JMJD1C: variants seen among roughly 807,000 people sequenced by gnomAD.
JMJD1C encodes jumonji domain containing 1C.
JMJD1C carries 31 observed loss-of-function variants against 245.3 expected under a neutral mutation model. That is an observed-to-expected ratio of 0.13 (90% CI 0.09 to 0.17). JMJD1C has a LOEUF of 0.17. JMJD1C is among the 10% of genes least tolerant of loss of function. The pLI is 1.00. For missense variants in JMJD1C, 2,691 were observed against 3,000.2 expected (o/e 0.90, Z 2.41); for synonymous variants, 1,057 against 1,017.4 (o/e 1.04, Z -0.74).
At chr10:63,345,760 T>C (rs1472970837) in intron 2 of JMJD1C, among the ~76,000 whole-genome samples, 1 of 152,122 alleles carries the variant, frequency 6.6e-6, no homozygotes, top group African/African-American at 2.4e-5. Flanking sequence ...GTCTATGAAT[T>C]TGCCCAAACT....
intron 1 of JMJD1C, among the ~76,000 whole-genome samples, chr10:63,519,989 TAA>T (rs962502411): frequency 1.4e-4 from 22 of 152,194 alleles, no homozygotes; most frequent in African/African-American, 3.6e-4. Context: ...TGGCCAAAAA[TAA>T]AAGATTCAGA....
chr10:63,340,245 G>C (rs1305746203), intron 2 of JMJD1C, among the ~76,000 whole-genome samples: 3 of 152,084 alleles, frequency 2.0e-5, no homozygotes, highest in Non-Finnish European at 2.9e-5. Context: ...GGGAAAAAAA[G>C]ACCCTCTCAG....
intron 1 of JMJD1C, among the ~76,000 whole-genome samples, chr10:63,520,344 C>A (rs1955170055): frequency 6.6e-6 from 1 of 152,088 alleles, no homozygotes; most frequent in South Asian, 2.1e-4. Context: ...GTCACAAAAG[C>A]CATCATATTT....
intron 1 of JMJD1C, among the ~76,000 whole-genome samples, chr10:63,457,917 T>C (rs951431338): frequency 5.3e-5 from 8 of 152,228 alleles, no homozygotes; most frequent in East Asian, 1.9e-4. Context: ...GTAAACAGAT[T>C]GTGAGCTGCT....
At chr10:63,521,170 G>A (rs1417334346) in intron 1 of JMJD1C, among the ~76,000 whole-genome samples, 1 of 152,108 alleles carries the variant, frequency 6.6e-6, no homozygotes, top group Non-Finnish European at 1.5e-5. Flanking sequence ...GAGCGCAGGG[G>A]CCAAGGCCGC....
chr10:63,171,848 A>G (rs1842402871), intron 24 of JMJD1C, among the ~76,000 whole-genome samples: 1 of 152,252 alleles, frequency 6.6e-6, no homozygotes, highest in Non-Finnish European at 1.5e-5. Context: ...AGTCATTAAC[A>G]GTTTTCAGAA....
intron 2 of JMJD1C, among the ~76,000 whole-genome samples, chr10:63,368,896 C>G (rs1056984128): frequency 6.6e-6 from 1 of 151,520 alleles, no homozygotes; most frequent in Non-Finnish European, 1.5e-5. Flanking sequence ...GATCTGCCCA[C>G]CCTCGCCTCC....
At chr10:63,260,259 G>A (rs1353398557) in intron 3 of JMJD1C, among the ~76,000 whole-genome samples, 1 of 152,162 alleles carries the variant, frequency 6.6e-6, no homozygotes, top group Non-Finnish European at 1.5e-5. Context: ...GGAATGTGAT[G>A]CCTAAAAATA....
chr10:63,305,239 G>A (rs1487620064), intron 2 of JMJD1C, among the ~76,000 whole-genome samples: 5 of 151,826 alleles, frequency 3.3e-5, no homozygotes, highest in African/African-American at 7.3e-5. Flanking sequence ...GTGGTGGCAC[G>A]CGCCTCTAGT....
intron 1 of JMJD1C, among the ~76,000 whole-genome samples, chr10:63,397,531 C>T (rs1263177144): frequency 6.6e-6 from 1 of 150,718 alleles, no homozygotes; most frequent in Non-Finnish European, 1.5e-5. Flanking sequence ...TTGATCTGAC[C>T]TTTTTATTTA....
intron 1 of JMJD1C, among the ~76,000 whole-genome samples, chr10:63,384,800 C>G (rs1475473590): frequency 6.6e-6 from 1 of 152,188 alleles, no homozygotes; most frequent in African/African-American, 2.4e-5. Flanking sequence ...TTCTCCATAT[C>G]AGCAATAACA....
intron 2 of JMJD1C, among the ~76,000 whole-genome samples, chr10:63,289,467 A>G (rs1858388713): frequency 6.6e-6 from 1 of 152,238 alleles, no homozygotes; most frequent in Admixed American, 6.5e-5. Context: ...ACAGCAAAAA[A>G]TAACTTAAAC....
chr10:63,479,737 T>G (rs1347683325), intron 1 of JMJD1C, among the ~76,000 whole-genome samples: 1 of 152,166 alleles, frequency 6.6e-6, no homozygotes, highest in East Asian at 1.9e-4. Context: ...TTGGCAAAAA[T>G]AGTCCATAAT....
chr10:63,309,302 G>A (rs1938779623), intron 2 of JMJD1C, among the ~76,000 whole-genome samples: 1 of 151,628 alleles, frequency 6.6e-6, no homozygotes, highest in African/African-American at 2.4e-5. Context: ...AGACCAGCCT[G>A]GCCAACATGG....
At chr10:63,360,414 G>A (rs1441585833) in intron 2 of JMJD1C, among the ~76,000 whole-genome samples, 3 of 152,120 alleles carry the variant, frequency 2.0e-5, no homozygotes, top group Admixed American at 6.6e-5. Flanking sequence ...TATTAAGCAG[G>A]TATTATATAC....
chr10:63,428,983 T>C (rs1235212200), intron 1 of JMJD1C, among the ~76,000 whole-genome samples: 1 of 151,996 alleles, frequency 6.6e-6, no homozygotes, highest in Non-Finnish European at 1.5e-5. Context: ...GGTCTTTCTT[T>C]TGGTGGGGGG....
At chr10:63,476,233 A>G (rs1232987715) in intron 1 of JMJD1C, among the ~76,000 whole-genome samples, 1 of 147,900 alleles carries the variant, frequency 6.8e-6, no homozygotes, top group Non-Finnish European at 1.5e-5. Context: ...ATATACATAT[A>G]TTTATTTATT....
intron 3 of JMJD1C, among the ~76,000 whole-genome samples, chr10:63,243,120 T>TATATATATATATATAA (rs1564668876): frequency 1.2e-5 from 1 of 86,646 alleles, no homozygotes; most frequent in Non-Finnish European, 3.3e-5. Context: ...TATATATATA[T>TATATATATATATATAA]ATATAAATAT....
At chr10:63,269,269 G>C (rs1856002425) in intron 2 of JMJD1C, 1 of 926,338 alleles carries the variant, frequency 1.1e-6, no homozygotes, top group African/African-American at 1.8e-5. Flanking sequence ...GCGGTGCTCT[G>C]TAAACTGTAA....
Sources: allele counts gnomAD v4.1 joint callset (sites outside exome capture counted in the v4.1 genomes callset), GRCh38; gene constraint gnomAD v4.1.1; transcripts MANE v1.5; gene names NCBI Gene and HGNC (gene_info 2026-07-23, HGNC 2026-07-21).